RAD50: variants seen among roughly 807,000 people sequenced by gnomAD.
RAD50 encodes DNA repair protein RAD50.
In RAD50, 132 loss-of-function variants were observed where a neutral mutation model predicts 168.8. The observed-to-expected ratio is 0.78, with a 90% CI of 0.68 to 0.90. The LOEUF (loss-of-function observed/expected upper bound fraction) is 0.90. RAD50 is among the 40% of genes least tolerant of loss of function. RAD50 has a pLI of 0.00. For synonymous variants in RAD50, 525 were observed against 497.4 expected (o/e 1.06, Z -0.74); for missense variants, 1,347 against 1,534.4 (o/e 0.88, Z 2.04).
intron 21 of RAD50, among the ~76,000 whole-genome samples, chr5:132,633,902 ATTTTT>A (rs34056547): frequency 6.7e-6 from 1 of 148,760 alleles, no homozygotes; most frequent in East Asian, 1.9e-4. Context: ...ACGGGTAATA[ATTTTT>A]TTTTTATCTT....
In RAD50 at chr5:132,609,411, C is replaced by T; in HGVS notation, c.3036+15C>T. ...ATACACAGAAGGTAGGTCTGTTTTG[C>T]TTATGATATCACTTACACCTATGAC... On this transcript the variant is annotated intron_variant, in intron 19 of 24. Transcript: ENST00000378823. 6.2e-7 allele frequency: 1 copy of T among 1,613,014 alleles called. No individual in the cohort carries two copies.
At position 132,638,215 on chromosome 5, in the gene RAD50, G is replaced by A. The variant is rs2149863686; in HGVS notation, c.3610G>A (p.Gly1204Arg). 1.2e-6 allele frequency: 2 copies of A among 1,614,096 alleles called. No homozygotes were observed. The highest frequency in any genetic ancestry group is 1.7e-6 in the Non-Finnish European group (2 of 1,179,976). The change falls in exon 23 of 25, where the codon GGA becomes AGA. Residue 1204 changes from glycine to arginine, a missense_variant. Transcript: ENST00000378823. The part of the protein sequence containing the change: ...ALDMRGRCSA[G>R]QKVLASLIIR... The stretch of plus-strand genomic sequence containing the variant: ...GGATATGCGAGGACGATGCAGTGCT[G>A]GACAAAAGGCAGGTATCTCAAAAGC...
intron 5 of RAD50, among the ~76,000 whole-genome samples, chr5:132,581,865 T>G (rs914776357): frequency 2.0e-5 from 3 of 151,448 alleles, no homozygotes; most frequent in African/African-American, 7.3e-5. Flanking sequence ...ACAGATTTCC[T>G]TTTTTTTTCT....
chr5:132,637,583 G>A (rs985753864), intron 22 of RAD50, among the ~76,000 whole-genome samples: 2 of 150,076 alleles, frequency 1.3e-5, no homozygotes, highest in Non-Finnish European at 2.9e-5. Flanking sequence ...GGGCTGGAGC[G>A]CAGTGGTGCA....
At chr5:132,571,945 A>C (rs773329898) in intron 2 of RAD50, among the ~76,000 whole-genome samples, 1 of 152,242 alleles carries the variant, frequency 6.6e-6, no homozygotes, top group Non-Finnish European at 1.5e-5. Flanking sequence ...ATGAAAGTCA[A>C]GGAAAATCTG....
At chr5:132,579,764 G>A (rs1750470681) in intron 4 of RAD50, 98 bp from the exon 5 acceptor site, 8 of 1,107,528 alleles carry the variant, frequency 7.2e-6, no homozygotes, top group South Asian at 2.7e-5. Context: ...AAAACTCATT[G>A]TAACTGTAAT....
chr5:132,602,898 T>C (rs1170429668), intron 13 of RAD50, among the ~76,000 whole-genome samples: 1 of 152,200 alleles, frequency 6.6e-6, no homozygotes, highest in East Asian at 1.9e-4. Context: ...TTGGTCAATA[T>C]GACCAGTTCA....
Position 132,604,833 on chromosome 5 carries a change from A to G in RAD50, c.2552A>G (p.Lys851Arg). 1.2e-6 allele frequency: 2 copies of G among 1,612,804 alleles called. No homozygotes were observed. Among genetic ancestry groups the G allele is most frequent in the South Asian group, 2.2e-5 (2 of 90,978 alleles). The part of the protein sequence containing the change: ...TVSSKIELNR[K>R]LIQDQQEQIQ... ...TCTAGTAAGATTGAATTGAATCGTA[A>G]GCTTATACAGGACCAGCAGGAACAG... The change falls in exon 16 of 25, where the codon AAG (lysine) becomes AGG (arginine). Residue 851 changes from lysine (K) to arginine (R), a missense_variant. This residue lies in a region of RAD50 where 635 missense variants were observed against 739.2 expected (regional missense o/e 0.86). Coordinates refer to ENST00000378823, the MANE Select transcript of RAD50 (RefSeq NM_005732.4).
Position 132,584,389 on chromosome 5 carries a change from T to A in RAD50, c.757-3173T>A, listed in dbSNP as rs566464505. 1.8e-4 allele frequency among the ~76,000 whole-genome samples: 28 copies of A among 152,278 alleles called. 1 individual carries two copies. Among genetic ancestry groups the A allele is most frequent in the Admixed American group, 1.2e-3 (19 of 15,292 alleles). Reference sequence around the variant, plus strand: ...TTTTCTTGTAAATTTGTTTGAGTTCTTTGTAGATTCTGGATATTAGCCCTT... The same window carrying A: ...TTTTCTTGTAAATTTGTTTGAGTTCATTGTAGATTCTGGATATTAGCCCTT... On this transcript the variant is annotated intron_variant, in intron 5 of 24. Coordinates refer to ENST00000378823, the MANE Select transcript of RAD50 (RefSeq NM_005732.4).
At chr5:132,618,420 C>G in intron 21 of RAD50, 126 bp downstream of exon 21, 2 of 1,479,354 alleles carry the variant, frequency 1.4e-6, no homozygotes, top group Non-Finnish European at 1.8e-6. Flanking sequence ...CTCTTGTTTC[C>G]CAGGCTGGAG....
intron 13 of RAD50, among the ~76,000 whole-genome samples, chr5:132,598,337 A>G (rs1750828479): frequency 1.3e-5 from 2 of 152,224 alleles, no homozygotes; most frequent in Admixed American, 1.3e-4. Context: ...GGCGTGAGCC[A>G]CCGTGCTGGG....
Position 132,609,501 on chromosome 5 carries a change from G to T in RAD50, c.3036+105G>T. ...GAATAGAAATGCAAAAAGGAAAGAGGCCAAGCGTGGTGGCTCACACCTGTA... is the reference window on the plus strand; with the variant it reads ...GAATAGAAATGCAAAAAGGAAAGAGTCCAAGCGTGGTGGCTCACACCTGTA... On this transcript the variant is annotated intron_variant, in intron 19 of 24. Transcript: ENST00000378823. The T allele has an allele frequency of 2.0e-6, 3 of 1,520,070 alleles. No homozygotes were observed. The Admixed American group carries it at 5.9e-5, about 30-fold the overall frequency. The allele number at this position is 1,520,070 out of a possible 1,614,324, so 94.2% of individuals were successfully genotyped here.
chr5:132,611,516 T>C (rs763997830), intron 19 of RAD50, among the ~76,000 whole-genome samples: 18 of 151,104 alleles, frequency 1.2e-4, no homozygotes, highest in Non-Finnish European at 2.4e-4. Context: ...CCATCCTGGC[T>C]AACACGCCGA....
intron 13 of RAD50, among the ~76,000 whole-genome samples, 195 bp from the exon 14 acceptor site, chr5:132,603,105 C>G (rs1280588008): frequency 6.6e-6 from 1 of 152,124 alleles, no homozygotes; most frequent in Non-Finnish European, 1.5e-5. Context: ...CTGGCCAACA[C>G]CATCTAAGCC....
chr5:132,592,012 A>G lies in RAD50; in HGVS notation c.1771A>G (p.Arg591Gly), dbSNP rs1060501952. 3.1e-6 allele frequency: 5 copies of G among 1,613,172 alleles called. No homozygotes were observed. The highest frequency in any genetic ancestry group is 2.2e-5 in the South Asian group (2 of 91,040). ...TAAATCAAAAGAAATTAATCAGACC[A>G]GGGACAGACTTGCCAAATTGAAGTA... Reference protein sequence around the residue: ...HSKSKEINQTRDRLAKLNKEL... With the variant: ...HSKSKEINQTGDRLAKLNKEL... Residue 591 changes from arginine to glycine, a missense_variant, in exon 11 of 25, where the codon AGG (arginine) becomes GGG (glycine). Physicochemically the swap from Arg to Gly is moderately radical, Grantham distance 125 (BLOSUM62 -2). Around this residue, in one of 3 missense-constraint regions of RAD50, gnomAD observed 703 missense variants for 767.7 expected, o/e 0.92. Transcript: ENST00000378823.
intron 21 of RAD50, among the ~76,000 whole-genome samples, chr5:132,624,915 A>G (rs918306058): frequency 2.6e-5 from 4 of 151,616 alleles, no homozygotes; most frequent in Non-Finnish European, 4.4e-5. Context: ...TCTATTTGGA[A>G]TAAGATAAGT....
chr5:132,592,547 C>T (rs2149842958), intron 11 of RAD50, among the ~76,000 whole-genome samples: 1 of 152,304 alleles, frequency 6.6e-6, no homozygotes, highest in South Asian at 2.1e-4. Context: ...CTTTCCTGGG[C>T]ATTTTTCTGC....
Position 132,595,719 on chromosome 5 carries a change from C to T in RAD50, c.2116C>T (p.Arg706Ter), listed in dbSNP as rs772468452. The T allele has an allele frequency of 3.8e-5, 61 of 1,613,614 alleles. No individual in the cohort carries two copies. Among genetic ancestry groups the T allele is most frequent in the Non-Finnish European group, 4.8e-5 (57 of 1,179,798 alleles). ...CATCAGTGATTTGCAGTCTAAACTG[C>T]GACTTGCTCCAGATAAACTCAAGTC... ...EVISDLQSKL[R>*]LAPDKLKSTE... The change falls in exon 13 of 25, where the codon CGA (arginine) becomes TGA (stop). Residue 706 changes from arginine to a stop codon, truncating the protein, a stop_gained. Transcript: ENST00000378823. LOFTEE classifies it high-confidence loss of function.
intron 11 of RAD50, chr5:132,592,814 A>G (rs771002393): frequency 1.3e-5 from 6 of 470,826 alleles, no homozygotes; most frequent in Non-Finnish European, 2.6e-5. Flanking sequence ...AATTCTTTGA[A>G]GAAATGCTTT....
Sources: gnomAD v4.1 joint callset for allele counts (sites outside exome capture counted in the v4.1 genomes callset) on GRCh38, gnomAD v4.1.1 for gene constraint, gnomAD v4.1.1 regional missense constraint, MANE v1.5 for transcripts, NCBI Gene and HGNC (gene_info 2026-07-23, HGNC 2026-07-21) for gene names.